Variants in GRAMD1B observed in about 807,000 individuals in gnomAD.
The protein encoded by GRAMD1B is protein Aster-B.
GRAMD1B carries 37 observed loss-of-function variants against 99.7 expected under a neutral mutation model. That is an observed-to-expected ratio of 0.37 (90% CI 0.29 to 0.49). GRAMD1B has a LOEUF of 0.49. Among genes scored for constraint, GRAMD1B ranks in the 20% least tolerant of loss-of-function variants. The pLI, the probability that GRAMD1B is intolerant of heterozygous loss-of-function variation, is 0.98. For missense variants in GRAMD1B, 888 were observed against 1,009.2 expected (o/e 0.88, Z 1.63); for synonymous variants, 427 against 387.6 (o/e 1.10, Z -1.19).
At position 123,622,731 on chromosome 11, in the gene GRAMD1B, G is replaced by A. The variant is rs535971546; in HGVS notation, c.*136G>A. The A allele has an allele frequency of 1.7e-4, 38 of 222,054 alleles. No homozygotes were observed. The South Asian group carries it at 5.9e-3, about 35-fold the overall frequency. The allele number at this position is 222,054 out of a possible 1,614,324, so 13.8% of individuals were successfully genotyped here. A position where few individuals can be genotyped will look rare whatever the true frequency, so the allele number is the denominator to read the frequency against. ...ATACAGATTTTAAAAAAGAGATAAT[G>A]CCTATGTACCAGGGAGAAGGAGCGG... On this transcript the variant is annotated 3_prime_UTR_variant, in exon 20 of 20. Coordinates refer to ENST00000635736, the MANE Select transcript of GRAMD1B (RefSeq NM_001387025.1).
At chr11:123,608,214 T>C (rs1262998946) in intron 11 of GRAMD1B, 1 of 415,418 alleles carries the variant, frequency 2.4e-6, no homozygotes, top group Non-Finnish European at 4.4e-6. Flanking sequence ...TCCAGATTAG[T>C]CTACGTTCCC....
intron 1 of GRAMD1B, among the ~76,000 whole-genome samples, chr11:123,395,219 AT>A (rs1461544874): frequency 1.3e-5 from 2 of 152,152 alleles, no homozygotes; most frequent in African/African-American, 4.8e-5. Context: ...GGGAAAGAAA[AT>A]TTCTGCAAAG....
intron 2 of GRAMD1B, among the ~76,000 whole-genome samples, chr11:123,564,336 T>C (rs1392816293): frequency 6.6e-6 from 1 of 152,262 alleles, no homozygotes; most frequent in Non-Finnish European, 1.5e-5. Flanking sequence ...CAGTACTTCA[T>C]AGTGTATTCT....
chr11:123,522,588 G>C lies in GRAMD1B; in HGVS notation c.452+41695G>C, dbSNP rs151129075. 8.8e-3 allele frequency among the ~76,000 whole-genome samples: 1,340 copies of C among 152,292 alleles called. 16 individuals are homozygous for C. Among genetic ancestry groups the C allele is most frequent in the African/African-American group, 0.03 (1,262 of 41,574 alleles). On this transcript the variant is annotated intron_variant, in intron 2 of 19. Transcript: ENST00000635736. ...CCCATCTCGGCCTCCCAAAGTGCTA[G>C]GATTACAGGTGTGAGCCACCATGCC...
intron 1 of GRAMD1B, among the ~76,000 whole-genome samples, chr11:123,451,474 C>T (rs1001925267): frequency 6.6e-6 from 1 of 152,192 alleles, no homozygotes; most frequent in Non-Finnish European, 1.5e-5. Context: ...TTGTACCATA[C>T]GTGTGTTGTA....
At position 123,603,419 on chromosome 11, in the gene GRAMD1B, C is replaced by T. The variant is rs1297467646; in HGVS notation, c.1051-7C>T. The T allele has an allele frequency of 6.4e-7, 1 of 1,562,202 alleles. No individual in the cohort carries two copies. The highest frequency in any genetic ancestry group is 1.1e-5 in the South Asian group (1 of 89,960). On this transcript the variant is annotated splice_region_variant and splice_polypyrimidine_tract_variant and intron_variant, in intron 8 of 19. Coordinates refer to ENST00000635736, the MANE Select transcript of GRAMD1B (RefSeq NM_001387025.1). Reference sequence around the variant, plus strand: ...CAAGGCTCAGTCGTTCCTTTTCTCCCCTGAAGCCTCTGTGTCCCAAGGAGC... The same window carrying T: ...CAAGGCTCAGTCGTTCCTTTTCTCCTCTGAAGCCTCTGTGTCCCAAGGAGC...
chr11:123,451,586 C>G (rs962579705), intron 1 of GRAMD1B, among the ~76,000 whole-genome samples: 1 of 152,156 alleles, frequency 6.6e-6, no homozygotes, highest in Non-Finnish European at 1.5e-5. Context: ...CTAGCAGTTT[C>G]GGTGTGCTCC....
chr11:123,468,464 C>T (rs931671341), intron 1 of GRAMD1B, among the ~76,000 whole-genome samples: 7 of 152,180 alleles, frequency 4.6e-5, no homozygotes, highest in Admixed American at 2.0e-4. Context: ...AATCATTAAT[C>T]GCTGCATCCC....
At chr11:123,450,565 C>T (rs1426107685) in intron 1 of GRAMD1B, among the ~76,000 whole-genome samples, 3 of 152,282 alleles carry the variant, frequency 2.0e-5, no homozygotes, top group Admixed American at 6.5e-5. Context: ...TATTTGGCCA[C>T]ATCACTGAAA....
chr11:123,395,111 G>A (rs1217661349), intron 1 of GRAMD1B, among the ~76,000 whole-genome samples: 1 of 152,102 alleles, frequency 6.6e-6, no homozygotes, highest in Admixed American at 6.6e-5. Context: ...CCTAAGTATA[G>A]GACTGTATCA....
chr11:123,614,273 G>C (rs745038), intron 16 of GRAMD1B, among the ~76,000 whole-genome samples: 54,267 of 152,010 alleles, frequency 0.36, 10,815 homozygotes, highest in South Asian at 0.56. Context: ...TCTGCATGCC[G>C]CCTAGCTTTA....
At chr11:123,605,099 G>A (rs1952524578) in intron 9 of GRAMD1B, among the ~76,000 whole-genome samples, 1 of 124,996 alleles carries the variant, frequency 8.0e-6, no homozygotes, top group Non-Finnish European at 1.6e-5. Flanking sequence ...TTGCAGCCAG[G>A]AATTTTACAT....
At chr11:123,449,425 C>G (rs1376639359) in intron 1 of GRAMD1B, among the ~76,000 whole-genome samples, 2 of 152,166 alleles carry the variant, frequency 1.3e-5, no homozygotes, top group Non-Finnish European at 2.9e-5. Flanking sequence ...TTTTGCAAAG[C>G]AAGGAGTCCT....
chr11:123,590,758 TGA>T (rs1950563953), intron 4 of GRAMD1B, among the ~76,000 whole-genome samples: 1 of 152,166 alleles, frequency 6.6e-6, no homozygotes, highest in Non-Finnish European at 1.5e-5. Flanking sequence ...GTGAGGGCTG[TGA>T]GTCATAGTCC....
chr11:123,393,386 C>T (rs914940902), intron 1 of GRAMD1B, among the ~76,000 whole-genome samples: 11 of 152,176 alleles, frequency 7.2e-5, no homozygotes, highest in African/African-American at 2.7e-4. Context: ...TTTATTGCCA[C>T]AGAATCTGGT....
rs1955459877 is a variant in GRAMD1B at position 123,625,697 on chromosome 11, G to C, written c.*3102G>C. 1 of 152,378 alleles carries C rather than the reference G, an allele frequency of 6.6e-6. No individual in the cohort carries two copies. The highest frequency in any genetic ancestry group is 1.5e-5 in the Non-Finnish European group (1 of 68,222). 9.4% of individuals were successfully genotyped at this position (152,378 alleles called of 1,614,324 possible). A position where few individuals can be genotyped will look rare whatever the true frequency, so the allele number is the denominator to read the frequency against. ...TTCAGTATCCTCCTGTCACAGGAGG[G>C]AGTTGGGCTAGATCATCTTTAAGGT... On this transcript the variant is annotated 3_prime_UTR_variant, in exon 20 of 20. Coordinates refer to ENST00000635736, the MANE Select transcript of GRAMD1B (RefSeq NM_001387025.1).
chr11:123,495,220 A>G (rs1939104075), intron 2 of GRAMD1B, among the ~76,000 whole-genome samples: 1 of 152,144 alleles, frequency 6.6e-6, no homozygotes, highest in East Asian at 1.9e-4. Flanking sequence ...AATGAAACAA[A>G]TTTTAATAAG....
chr11:123,452,988 T>C (rs1415461382), intron 1 of GRAMD1B, among the ~76,000 whole-genome samples: 1 of 152,202 alleles, frequency 6.6e-6, no homozygotes. Flanking sequence ...TTACTTTCAG[T>C]GCATTTTTCT....
At chr11:123,435,617 C>T in intron 1 of GRAMD1B, 1 of 585,940 alleles carries the variant, frequency 1.7e-6, no homozygotes, top group East Asian at 2.8e-5. Flanking sequence ...TGTATCGTCA[C>T]AGCACTGTAC....
Sources: gnomAD v4.1 joint callset for allele counts (sites outside exome capture counted in the v4.1 genomes callset) on GRCh38, gnomAD v4.1.1 for gene constraint, MANE v1.5 for transcripts, NCBI Gene and HGNC (gene_info 2026-07-23, HGNC 2026-07-21) for gene names.